The following PHYKPL variants were observed in gnomAD, a reference collection of about 807,000 sequenced individuals.
PHYKPL encodes the protein 5-phosphohydroxy-L-lysine phospho-lyase.
PHYKPL carries 42 observed loss-of-function variants against 51.3 expected under a neutral mutation model. That is an observed-to-expected ratio of 0.82 (90% CI 0.64 to 1.06). The LOEUF (loss-of-function observed/expected upper bound fraction) is 1.06, where lower values mean the gene tolerates loss of function less well. Among genes scored for constraint, PHYKPL ranks in the 50% least tolerant of loss-of-function variants. PHYKPL has a pLI of 0.00. For missense variants in PHYKPL, 655 were observed against 586.6 expected (o/e 1.12, Z -1.20); for synonymous variants, 264 against 236.0 (o/e 1.12, Z -1.09).
chr5:178,219,421 T>G, intron 8 of PHYKPL, among the ~76,000 whole-genome samples: 1 of 147,368 alleles, frequency 6.8e-6, no homozygotes, highest in Non-Finnish European at 1.5e-5. Flanking sequence ...AAAAAAAAAA[T>G]GGGCAAAAGA....
chr5:178,226,233 G>A (rs1762272989), intron 3 of PHYKPL, among the ~76,000 whole-genome samples: 1 of 151,956 alleles, frequency 6.6e-6, no homozygotes, highest in African/African-American at 2.4e-5. Flanking sequence ...CCACCACGAT[G>A]CCCAGCTAAT....
At chr5:178,209,540 AGG>A in intron 12 of PHYKPL, 1 of 1,023,720 alleles carries the variant, frequency 9.8e-7, no homozygotes, top group Non-Finnish European at 1.5e-6. Context: ...GCTGTGCAGC[AGG>A]GGTGGGCAGA....
chr5:178,222,378 T>C lies in PHYKPL; in HGVS notation c.904A>G (p.Thr302Ala), dbSNP rs1040281741. ...ACCGTGTTGAAGTACTCAACGCCGG[T>C]GGCTTCAAATGCCCTCGCCACAGGC... ...TQPVARAFEA[T>A]GVEYFNTFGG... is the part of the protein sequence containing the mutation. The change falls in exon 8 of 13, where the codon ACC becomes GCC. Residue 302 changes from threonine (T) to alanine (A), a missense_variant. Physicochemically the swap from Thr to Ala is moderately conservative, Grantham distance 58. Transcript: ENST00000308158. 6.2e-7 allele frequency: 1 copy of C among 1,613,408 alleles called. No homozygotes were observed. Among genetic ancestry groups the C allele is most frequent in the Non-Finnish European group, 8.5e-7 (1 of 1,179,456 alleles).
chr5:178,222,741 G>A, intron 7 of PHYKPL, 111 bp downstream of exon 7: 2 of 1,387,746 alleles, frequency 1.4e-6, no homozygotes, highest in Non-Finnish European at 2.0e-6. Context: ...TAAGGGCTTT[G>A]TCTCAAAATT....
intron 8 of PHYKPL, among the ~76,000 whole-genome samples, chr5:178,220,363 C>T (rs562594686): frequency 1.3e-5 from 2 of 151,798 alleles, no homozygotes; most frequent in Non-Finnish European, 2.9e-5. Context: ...CCAGGTGTGG[C>T]GCATGCCTGT....
chr5:178,210,155 G>A, intron 12 of PHYKPL: 5 of 1,614,020 alleles, frequency 3.1e-6, no homozygotes, highest in Non-Finnish European at 4.2e-6. Context: ...TTGGAATCAG[G>A]GCTACGGCAA....
chr5:178,221,824 G>A (rs983605738), intron 8 of PHYKPL, among the ~76,000 whole-genome samples: 2 of 152,148 alleles, frequency 1.3e-5, no homozygotes, highest in Non-Finnish European at 2.9e-5. Flanking sequence ...TTCAAGATCA[G>A]TGAGACTCCT....
At chr5:178,219,476 T>TGGA (rs911041562) in intron 8 of PHYKPL, among the ~76,000 whole-genome samples, 11 of 149,650 alleles carry the variant, frequency 7.4e-5, no homozygotes, top group African/African-American at 2.7e-4. Context: ...TTCTTTGAGA[T>TGGA]GGAGTCTCTG....
downstream of PHYKPL, chr5:178,207,336 TTAC>T: frequency 7.7e-7 from 1 of 1,304,560 alleles, no homozygotes; most frequent in Non-Finnish European, 1.1e-6. Context: ...TGGTCAGACT[TTAC>T]TATTTCTCTG....
intron 8 of PHYKPL, among the ~76,000 whole-genome samples, chr5:178,220,194 C>T (rs1247745915): frequency 2.7e-4 from 26 of 95,548 alleles, no homozygotes; most frequent in East Asian, 6.3e-4. Context: ...GACCCCGTTT[C>T]AAAAAAAAAA....
At chr5:178,232,182 G>T in intron 1 of PHYKPL, 1 of 1,230,782 alleles carries the variant, frequency 8.1e-7, no homozygotes, top group Non-Finnish European at 1.0e-6. Context: ...CTTCTCCGGA[G>T]TAAAGGCTGC....
rs375057301 is a variant in PHYKPL, at chr5:178,211,872, G to C, written c.*31+18C>G. 5.0e-6 allele frequency: 8 copies of C among 1,589,498 alleles called. No individual in the cohort carries two copies. The highest frequency in any genetic ancestry group is 6.9e-6 in the Non-Finnish European group (8 of 1,158,296). Reference sequence around the variant, plus strand: ...ACCCGCTGTGCATCTTCAAGAGTAAGAAGCAAGGCCCACTCACCTGGAGTA... The same window carrying C: ...ACCCGCTGTGCATCTTCAAGAGTAACAAGCAAGGCCCACTCACCTGGAGTA... On this transcript the variant is annotated intron_variant, in intron 12 of 12. Transcript: ENST00000308158.
chr5:178,215,641 C>T (rs1307460004), intron 8 of PHYKPL: 1 of 570,332 alleles, frequency 1.8e-6, no homozygotes, highest in Non-Finnish European at 3.0e-6. Flanking sequence ...GACTGCAACT[C>T]AGGTCAGGTA....
intron 8 of PHYKPL, among the ~76,000 whole-genome samples, chr5:178,221,107 A>G (rs182273650): frequency 2.0e-5 from 3 of 152,356 alleles, no homozygotes; most frequent in Non-Finnish European, 2.9e-5. Flanking sequence ...TAGAACATTA[A>G]TAAAGGTTAA....
At chr5:178,215,528 C>T in intron 8 of PHYKPL, 98 bp from the exon 9 acceptor site, 1 of 1,424,430 alleles carries the variant, frequency 7.0e-7, no homozygotes, top group Non-Finnish European at 9.4e-7. Flanking sequence ...TGTTCCAAGG[C>T]CAGTGGCAAG....
Position 178,231,410 on chromosome 5 carries a change from G to A in PHYKPL, c.173C>T (p.Ala58Val), listed in dbSNP as rs777064505. The part of the protein sequence containing the change: ...AEYIDCISNV[A>V]HVGHCHPLVV... ...GCCTGAGGTGTGATACTGACCGTGC[G>A]CCACATTGCTGATGCAATCGATGTA... Residue 58 changes from alanine (A) to valine (V), a missense_variant, in exon 2 of 13, where the codon GCG becomes GTG. Transcript: ENST00000308158. The A allele has an allele frequency of 4.3e-6, 7 of 1,614,146 alleles. No individual in the cohort carries two copies. The Admixed American group carries it at 6.7e-5, about 15-fold the overall frequency.
chr5:178,218,859 TTATTC>T (rs1760506935), intron 8 of PHYKPL, among the ~76,000 whole-genome samples: 2 of 152,120 alleles, frequency 1.3e-5, no homozygotes, highest in South Asian at 4.1e-4. Context: ...ATTTCCCAAT[TTATTC>T]TATAAGGTTA....
At chr5:178,231,598 G>T in intron 1 of PHYKPL, 75 bp from the exon 2 acceptor site, 1 of 1,608,132 alleles carries the variant, frequency 6.2e-7, no homozygotes. Flanking sequence ...GCAGACCCCC[G>T]CCCACCCCTT....
intron 8 of PHYKPL, among the ~76,000 whole-genome samples, chr5:178,218,716 A>ATAACT (rs1760475794): frequency 6.6e-6 from 1 of 152,254 alleles, no homozygotes; most frequent in South Asian, 2.1e-4. Flanking sequence ...TCACTAAAAC[A>ATAACT]TAACTTTTAA....
Sources: gnomAD v4.1 joint callset for allele counts (sites outside exome capture counted in the v4.1 genomes callset) on GRCh38, gnomAD v4.1.1 for gene constraint, MANE v1.5 for transcripts, NCBI Gene and HGNC (gene_info 2026-07-23, HGNC 2026-07-21) for gene names.